The following PARD3 variants were observed in gnomAD, a reference collection of about 807,000 sequenced individuals.
PARD3 encodes par-3 family cell polarity regulator.
A neutral mutation model predicts 155.4 loss-of-function variants in PARD3; 75 were observed. The observed-to-expected ratio is 0.48, with a 90% CI of 0.40 to 0.58. The LOEUF is 0.58. Among genes scored for constraint, PARD3 ranks in the 20% least tolerant of loss-of-function variants. The pLI is 0.00. For missense variants in PARD3, 1,642 were observed against 1,721.7 expected (o/e 0.95, Z 0.82); for synonymous variants, 576 against 610.5 (o/e 0.94, Z 0.83).
At chr10:34,442,617 C>T (rs2076524364) in intron 5 of PARD3, among the ~76,000 whole-genome samples, 1 of 152,126 alleles carries the variant, frequency 6.6e-6, no homozygotes, top group African/African-American at 2.4e-5. Flanking sequence ...ACCTGTAATC[C>T]CAGTACTTCG....
At chr10:34,563,469 C>T (rs1176981170) in intron 2 of PARD3, among the ~76,000 whole-genome samples, 2 of 151,942 alleles carry the variant, frequency 1.3e-5, no homozygotes, top group Non-Finnish European at 2.9e-5. Flanking sequence ...CGGGTTCAAG[C>T]GATTCTCCTG....
intron 22 of PARD3, among the ~76,000 whole-genome samples, chr10:34,248,259 A>T (rs574078687): frequency 2.0e-5 from 3 of 152,192 alleles, no homozygotes; most frequent in Non-Finnish European, 4.4e-5. Context: ...ATATGGTAAA[A>T]AAAAATACCA....
chr10:34,163,810 G>T (rs1021868543), intron 22 of PARD3, among the ~76,000 whole-genome samples: 3 of 152,176 alleles, frequency 2.0e-5, no homozygotes, highest in African/African-American at 7.2e-5. Context: ...AATCCAGGAT[G>T]TTTTACAGCA....
chr10:34,202,300 T>C (rs1951256268), intron 22 of PARD3, among the ~76,000 whole-genome samples: 2 of 152,232 alleles, frequency 1.3e-5, no homozygotes, highest in African/African-American at 2.4e-5. Flanking sequence ...CTTGAACTCT[T>C]GGCTTCAAGC....
At chr10:34,289,278 C>T (rs895289797) in intron 20 of PARD3, among the ~76,000 whole-genome samples, 4 of 152,148 alleles carry the variant, frequency 2.6e-5, no homozygotes, top group African/African-American at 9.7e-5. Flanking sequence ...CAACCTCCGC[C>T]TCCCAGGTTC....
chr10:34,534,333 G>A (rs2083071448), intron 2 of PARD3, among the ~76,000 whole-genome samples: 1 of 152,038 alleles, frequency 6.6e-6, no homozygotes, highest in African/African-American at 2.4e-5. Context: ...GTCTGTCTGG[G>A]TCAAGTCAAT....
At chr10:34,133,270 G>C (rs1424744634) in intron 22 of PARD3, among the ~76,000 whole-genome samples, 1 of 152,108 alleles carries the variant, frequency 6.6e-6, no homozygotes, top group African/African-American at 2.4e-5. Context: ...ACACTACCGT[G>C]GGGCTGGAAC....
At chr10:34,770,536 G>C (rs1276927591) in intron 1 of PARD3, among the ~76,000 whole-genome samples, 2 of 152,118 alleles carry the variant, frequency 1.3e-5, no homozygotes, top group Non-Finnish European at 2.9e-5. Flanking sequence ...AGGGAGCCAT[G>C]GGCATTTCTG....
At chr10:34,222,398 G>T (rs768466542) in intron 22 of PARD3, among the ~76,000 whole-genome samples, 1 of 152,156 alleles carries the variant, frequency 6.6e-6, no homozygotes, top group South Asian at 2.1e-4. Flanking sequence ...TGCAGAAAGC[G>T]GTCCCTCCTA....
intron 1 of PARD3, among the ~76,000 whole-genome samples, chr10:34,809,270 C>T (rs1232889688): frequency 6.6e-6 from 1 of 152,204 alleles, no homozygotes; most frequent in East Asian, 1.9e-4. Flanking sequence ...ATTTACTCAA[C>T]ATTCTGACTG....
intron 23 of PARD3, among the ~76,000 whole-genome samples, chr10:34,130,057 C>T (rs1464957416): frequency 6.6e-6 from 1 of 152,094 alleles, no homozygotes; most frequent in African/African-American, 2.4e-5. Context: ...CTGAACTGAA[C>T]TTGTCAACTT....
intron 1 of PARD3, among the ~76,000 whole-genome samples, chr10:34,767,914 T>A (rs1374555722): frequency 6.6e-6 from 1 of 151,896 alleles, no homozygotes; most frequent in Non-Finnish European, 1.5e-5. Context: ...ACAGTGAGAC[T>A]CTGTCTCAAA....
intron 7 of PARD3, among the ~76,000 whole-genome samples, chr10:34,386,845 A>G (rs555784142): frequency 2.4e-4 from 37 of 152,118 alleles, no homozygotes; most frequent in African/African-American, 7.9e-4. Context: ...AATTATTAAG[A>G]TATATCTATG....
chr10:34,611,803 CTTTCT>C (rs1438081827), intron 2 of PARD3, among the ~76,000 whole-genome samples: 5 of 137,618 alleles, frequency 3.6e-5, no homozygotes, highest in South Asian at 2.3e-4. Flanking sequence ...TGATACATTT[CTTTCT>C]TTTTTTTTTT....
chr10:34,169,753 T>C (rs545880975), intron 22 of PARD3, among the ~76,000 whole-genome samples: 1 of 152,342 alleles, frequency 6.6e-6, no homozygotes, highest in African/African-American at 2.4e-5. Flanking sequence ...TATAGACTCA[T>C]GGAAACCACA....
At chr10:34,747,773 C>A (rs1317633829) in intron 1 of PARD3, among the ~76,000 whole-genome samples, 1 of 152,218 alleles carries the variant, frequency 6.6e-6, no homozygotes, top group Non-Finnish European at 1.5e-5. Context: ...TGTTCACATA[C>A]AATGAATAAA....
At chr10:34,603,490 C>A (rs1249275842) in intron 2 of PARD3, among the ~76,000 whole-genome samples, 1 of 152,172 alleles carries the variant, frequency 6.6e-6, no homozygotes, top group Non-Finnish European at 1.5e-5. Flanking sequence ...CAAACAGTCA[C>A]GGAACACATT....
At chr10:34,499,910 T>A (rs563197362) in intron 3 of PARD3, among the ~76,000 whole-genome samples, 1 of 152,328 alleles carries the variant, frequency 6.6e-6, no homozygotes, top group South Asian at 2.1e-4. Flanking sequence ...CATTAAATCA[T>A]CTCTACGTTA....
chr10:34,363,288 A>G lies in PARD3; in HGVS notation c.1708-3029T>C, dbSNP rs1393369318. Among the ~76,000 whole-genome samples the G allele has an allele frequency of 2.0e-5, 3 of 151,216 alleles. No individual in the cohort carries two copies. In the East Asian group the frequency reaches 5.8e-4, roughly 29 times the overall value. On this transcript the variant is annotated intron_variant, in intron 12 of 24. Coordinates refer to ENST00000374788, the MANE Select transcript of PARD3 (RefSeq NM_001184785.2). ...ATATTTTCTGATTGCTGAACTCTGA[A>G]CCTGTTTTAAAGAAGAGCATATTCT... is the stretch of plus-strand genomic sequence containing the variant.
Sources: gnomAD v4.1 joint callset for allele counts (sites outside exome capture counted in the v4.1 genomes callset) on GRCh38, gnomAD v4.1.1 for gene constraint, MANE v1.5 for transcripts, NCBI Gene and HGNC (gene_info 2026-07-23, HGNC 2026-07-21) for gene names.